The following UBE2W variants were observed in gnomAD, a reference collection of about 807,000 sequenced individuals.
UBE2W encodes ubiquitin conjugating enzyme E2 W, also known as ubiquitin-conjugating enzyme E2 W.
In UBE2W, 18 loss-of-function variants were observed where a neutral mutation model predicts 27.2. The observed-to-expected ratio is 0.66, with a 90% confidence interval of 0.46 to 0.98. The LOEUF (loss-of-function observed/expected upper bound fraction) is 0.98. UBE2W is among the 50% of genes least tolerant of loss of function. UBE2W has a pLI of 0.00. For missense variants in UBE2W, 90 were observed against 180.2 expected, an observed-to-expected ratio of 0.50 and a Z score of 2.87; for synonymous variants, 53 against 57.2, an observed-to-expected ratio of 0.93 and a Z score of 0.33.
intron 5 of UBE2W, among the ~76,000 whole-genome samples, chr8:73,799,584 T>C (rs2130853645): frequency 6.6e-6 from 1 of 152,302 alleles, no homozygotes; most frequent in East Asian, 1.9e-4. Context: ...GAAGTATATA[T>C]ACAATCACTA....
chr8:73,872,929 T>C (rs1205701943), intron 1 of UBE2W, among the ~76,000 whole-genome samples: 3 of 147,606 alleles, frequency 2.0e-5, no homozygotes, highest in Admixed American at 6.9e-5. Flanking sequence ...TTAGCTGGAG[T>C]CTCACTCTGT....
chr8:73,860,160 A>C (rs966814048), intron 1 of UBE2W, among the ~76,000 whole-genome samples: 6 of 152,038 alleles, frequency 3.9e-5, no homozygotes, highest in Non-Finnish European at 7.4e-5. Context: ...GGGGAAGAAA[A>C]GATACTCTCA....
rs1808060160 is a variant in UBE2W at position 73,788,566 on chromosome 8, G to C, written c.*5536C>G. On this transcript the variant is annotated 3_prime_UTR_variant, in exon 6 of 6. Transcript: ENST00000602593. ...GAAAAGATGCATTTTCATGGTATCTGACACAATTTACCAAGTTCCTTATGG... is the reference window on the plus strand; with the variant it reads ...GAAAAGATGCATTTTCATGGTATCTCACACAATTTACCAAGTTCCTTATGG... The C allele has an allele frequency of 1.0e-6, 1 of 985,214 alleles. No homozygotes were observed. Among genetic ancestry groups the C allele is most frequent in the Non-Finnish European group, 1.2e-6 (1 of 829,906 alleles). The allele number at this position is 985,214 out of a possible 1,614,324, so 61.0% of individuals were successfully genotyped here.
chr8:73,865,387 A>G (rs1811712118), intron 1 of UBE2W, among the ~76,000 whole-genome samples: 1 of 152,100 alleles, frequency 6.6e-6, no homozygotes, highest in Non-Finnish European at 1.5e-5. Context: ...CTGAGGCAGG[A>G]GGACTGCTTG....
intron 1 of UBE2W, among the ~76,000 whole-genome samples, chr8:73,859,599 A>C (rs945492083): frequency 1.3e-5 from 2 of 152,138 alleles, no homozygotes; most frequent in African/African-American, 4.8e-5. Flanking sequence ...TATCACACAA[A>C]ATATGTGTTA....
chr8:73,840,470 T>A (rs1810494986), intron 1 of UBE2W, among the ~76,000 whole-genome samples: 1 of 152,254 alleles, frequency 6.6e-6, no homozygotes, highest in African/African-American at 2.4e-5. Context: ...ATGATACTCT[T>A]GTGGTTATGA....
intron 1 of UBE2W, among the ~76,000 whole-genome samples, chr8:73,877,575 A>C (rs1280541202): frequency 6.6e-6 from 1 of 152,218 alleles, no homozygotes; most frequent in Non-Finnish European, 1.5e-5. Context: ...CTTTTAGCAG[A>C]GTAAAGAAAA....
Position 73,791,277 on chromosome 8 carries a change from AAAAAG to A in UBE2W, c.*2820_*2824del. The A allele has an allele frequency of 3.0e-6, 3 of 984,538 alleles. No individual in the cohort carries two copies. The highest frequency in any genetic ancestry group is 6.2e-5 in the Admixed American group (1 of 16,234). 61.0% of individuals were successfully genotyped at this position (984,538 alleles called of 1,614,324 possible). ...CCCTACTTGACCAAAGAAAAAAAAA[AAAAAG>A]AAGGGCATCATGTTCATGATCTAAG... On this transcript the variant is annotated 3_prime_UTR_variant, in exon 6 of 6. Transcript: ENST00000602593.
chr8:73,807,836 T>TA (rs1219954410), intron 4 of UBE2W, among the ~76,000 whole-genome samples: 1 of 152,216 alleles, frequency 6.6e-6, no homozygotes, highest in African/African-American at 2.4e-5. Context: ...ATCAGGGAGA[T>TA]ACAGTTCTTG....
chr8:73,823,661 C>T (rs1311016006), intron 3 of UBE2W, among the ~76,000 whole-genome samples: 1 of 152,150 alleles, frequency 6.6e-6, no homozygotes, highest in Non-Finnish European at 1.5e-5. Context: ...TCTACAAATG[C>T]TTATTGTAGA....
chr8:73,791,848 C>A lies in UBE2W; in HGVS notation c.*2254G>T. 1 of 984,572 alleles carries A rather than the reference C, an allele frequency of 1.0e-6. No individual in the cohort carries two copies. Among genetic ancestry groups the A allele is most frequent in the Non-Finnish European group, 1.2e-6 (1 of 829,354 alleles). The allele number at this position is 984,572 out of a possible 1,614,324, so 61.0% of individuals were successfully genotyped here. A position where few individuals can be genotyped will look rare whatever the true frequency, so the allele number is the denominator to read the frequency against. ...CTTTCCTCTGTGTCATTTTAGTTTA[C>A]TTTATGGTATTTATATGTAGAGAGA... On this transcript the variant is annotated 3_prime_UTR_variant, in exon 6 of 6. Coordinates refer to ENST00000602593, the MANE Select transcript of UBE2W (RefSeq NM_018299.6).
In UBE2W at chr8:73,790,450, A is replaced by G. The variant is rs1808143166; in HGVS notation, c.*3652T>C. The G allele has an allele frequency of 2.0e-6, 2 of 985,192 alleles. No individual in the cohort carries two copies. Among genetic ancestry groups the G allele is most frequent in the South Asian group, 9.4e-5 (2 of 21,298 alleles). 61.0% of individuals were successfully genotyped at this position (985,192 alleles called of 1,614,324 possible). The stretch of plus-strand genomic sequence containing the variant: ...GCTGATTCTGATAATGAATCCTCAG[A>G]AAAGAAGAATATGGTTAAGCTTCAG... On this transcript the variant is annotated 3_prime_UTR_variant, in exon 6 of 6. Coordinates refer to ENST00000602593, the MANE Select transcript of UBE2W (RefSeq NM_018299.6).
intron 1 of UBE2W, among the ~76,000 whole-genome samples, chr8:73,854,355 C>T (rs1811200802): frequency 6.6e-6 from 1 of 152,030 alleles, no homozygotes; most frequent in African/African-American, 2.4e-5. Context: ...AACTCTTTAC[C>T]AATCAAAAGG....
At chr8:73,852,645 G>A (rs904005082) in intron 1 of UBE2W, among the ~76,000 whole-genome samples, 2 of 152,050 alleles carry the variant, frequency 1.3e-5, no homozygotes, top group African/African-American at 4.8e-5. Context: ...GGTTTCAGCA[G>A]GCTTAGCTAC....
intron 1 of UBE2W, among the ~76,000 whole-genome samples, chr8:73,846,941 G>A (rs1322860251): frequency 1.3e-5 from 2 of 152,194 alleles, no homozygotes; most frequent in African/African-American, 4.8e-5. Context: ...GGGAGGCCGA[G>A]GCGGGTGGAT....
At chr8:73,780,698 T>G (rs1807826070) in intron 4 of UBE2W, among the ~76,000 whole-genome samples, 1 of 151,822 alleles carries the variant, frequency 6.6e-6, no homozygotes, top group Non-Finnish European at 1.5e-5. Context: ...TTGTTTGTAT[T>G]TTTTTTGTAG....
At chr8:73,866,195 CG>C in intron 1 of UBE2W, among the ~76,000 whole-genome samples, 1 of 146,546 alleles carries the variant, frequency 6.8e-6, no homozygotes, top group Admixed American at 7.0e-5. Context: ...TGCTTGAACC[CG>C]GGGGGTGGAG....
In UBE2W at chr8:73,858,862, A is replaced by AGG. The variant is rs1035073182; in HGVS notation, c.15+19944_15+19945dup. On this transcript the variant is annotated intron_variant, in intron 1 of 5. Transcript: ENST00000602593. ...GACTGAACCAACCTTCTCTATCATT[A>AGG]GGGGGGTTTTTGCGTGCGTGTGTGT... Among the ~76,000 whole-genome samples, 22 of 143,338 alleles carry AGG rather than the reference A, an allele frequency of 1.5e-4. 1 individual carries two copies. The highest frequency in any genetic ancestry group is 1.4e-3 in the South Asian group (6 of 4,346). 94.0% of individuals were successfully genotyped at this position (143,338 alleles called of 152,430 possible). A position where few individuals can be genotyped will look rare whatever the true frequency, so the allele number is the denominator to read the frequency against.
At chr8:73,833,987 C>T (rs1213412612) in intron 1 of UBE2W, 4 of 152,198 alleles carry the variant, frequency 2.6e-5, no homozygotes, top group Non-Finnish European at 4.4e-5. Flanking sequence ...CAGCCCAGAA[C>T]TCCTGCCGCA....
Sources: gnomAD v4.1 joint callset for allele counts (sites outside exome capture counted in the v4.1 genomes callset) on GRCh38, gnomAD v4.1.1 for gene constraint, MANE v1.5 for transcripts, NCBI Gene and HGNC (gene_info 2026-07-23, HGNC 2026-07-21) for gene names.